NREP: variants seen among roughly 807,000 people sequenced by gnomAD.
The protein encoded by NREP is neuronal regeneration-related protein.
NREP carries 5 observed loss-of-function variants against 8.6 expected under a neutral mutation model. The ratio of observed to expected loss-of-function variants is 0.58; its 90% CI spans 0.30 to 1.22. The LOEUF is 1.22. Among genes scored for constraint, NREP ranks in the 50% most tolerant of loss-of-function variants. NREP has a pLI of 0.07. For synonymous variants in NREP, 27 were observed against 28.0 expected (o/e 0.96, Z 0.11); for missense variants, 86 against 82.5 (o/e 1.04, Z -0.17).
intron 2 of NREP, among the ~76,000 whole-genome samples, chr5:111,855,290 G>A (rs185642932): frequency 0.01 from 1,570 of 152,264 alleles, 13 homozygotes; most frequent in Middle Eastern, 0.02. Context: ...CCCTGTGCCT[G>A]TGTTTCCACA....
chr5:111,739,247 T>C (rs1310767534), intron 2 of NREP: 1 of 151,964 alleles, frequency 6.6e-6, no homozygotes, highest in Non-Finnish European at 1.5e-5. Context: ...ACAAAGGAAA[T>C]GGGGGTGGCA....
intron 2 of NREP, among the ~76,000 whole-genome samples, chr5:111,867,479 C>T (rs1032632710): frequency 1.3e-5 from 2 of 152,104 alleles, no homozygotes; most frequent in African/African-American, 4.8e-5. Flanking sequence ...AGGACCCCAC[C>T]CTTATGGTCT....
chr5:111,930,849 G>A (rs1439839753), intron 2 of NREP, among the ~76,000 whole-genome samples: 1 of 152,152 alleles, frequency 6.6e-6, no homozygotes, highest in African/African-American at 2.4e-5. Flanking sequence ...TAAGACAGAA[G>A]CCAGGTTAAG....
At chr5:111,964,492 G>A (rs1260834050) in intron 2 of NREP, among the ~76,000 whole-genome samples, 1 of 152,088 alleles carries the variant, frequency 6.6e-6, no homozygotes, top group East Asian at 1.9e-4. Context: ...TCAGCCACCT[G>A]AGAAGCTAGG....
At chr5:111,891,199 C>G (rs888127557) in intron 2 of NREP, among the ~76,000 whole-genome samples, 9 of 152,216 alleles carry the variant, frequency 5.9e-5, no homozygotes, top group Admixed American at 2.0e-4. Flanking sequence ...CTATCACTCT[C>G]AAGTTCAAAT....
chr5:111,853,525 T>G (rs1473313503), intron 2 of NREP, among the ~76,000 whole-genome samples: 5 of 152,188 alleles, frequency 3.3e-5, no homozygotes, highest in Admixed American at 1.3e-4. Context: ...TTTCATTTAA[T>G]TTTTTCATAA....
intron 2 of NREP, among the ~76,000 whole-genome samples, chr5:111,857,057 GC>G (rs1410792250): frequency 6.6e-6 from 1 of 152,046 alleles, no homozygotes; most frequent in African/African-American, 2.4e-5. Flanking sequence ...GCTAAATATT[GC>G]TGCATAATGA....
intron 2 of NREP, among the ~76,000 whole-genome samples, chr5:111,872,615 G>C (rs1398975528): frequency 2.0e-5 from 3 of 152,054 alleles, no homozygotes; most frequent in Non-Finnish European, 2.9e-5. Flanking sequence ...TCTGGAATAT[G>C]GTCCTATCTG....
intron 2 of NREP, among the ~76,000 whole-genome samples, chr5:111,773,133 CT>C (rs200546778): frequency 8.6e-5 from 13 of 151,024 alleles, no homozygotes; most frequent in Middle Eastern, 3.4e-3. Flanking sequence ...TTCTCTGAGC[CT>C]TTTTTTTTAA....
intron 2 of NREP, among the ~76,000 whole-genome samples, chr5:111,822,139 T>C (rs376345071): frequency 7.2e-5 from 11 of 152,176 alleles, no homozygotes; most frequent in African/African-American, 2.2e-4. Context: ...AACCTTCCCA[T>C]TGAAAACAAC....
intron 2 of NREP, among the ~76,000 whole-genome samples, chr5:111,797,411 T>C (rs1751898778): frequency 6.6e-6 from 1 of 152,214 alleles, no homozygotes; most frequent in Non-Finnish European, 1.5e-5. Context: ...TATGGCTATA[T>C]ATATTAGAAT....
chr5:111,889,163 C>A (rs542120169), intron 2 of NREP, among the ~76,000 whole-genome samples: 4 of 152,302 alleles, frequency 2.6e-5, no homozygotes, highest in Middle Eastern at 3.4e-3. Context: ...GCAGGCTGTA[C>A]AGAAAGCATA....
At chr5:111,760,083 T>C (rs942373043), upstream of NREP, among the ~76,000 whole-genome samples, 1 of 152,228 alleles carries the variant, frequency 6.6e-6, no homozygotes. Flanking sequence ...TCAGCTAAGA[T>C]GTCTCAACCC....
chr5:111,875,830 C>T (rs1183305747), intron 2 of NREP, among the ~76,000 whole-genome samples: 1 of 151,912 alleles, frequency 6.6e-6, no homozygotes, highest in East Asian at 1.9e-4. Flanking sequence ...TGTGGATACA[C>T]AAAGAGTGAG....
intron 2 of NREP, among the ~76,000 whole-genome samples, chr5:111,921,432 G>T (rs545495557): frequency 2.6e-4 from 39 of 152,078 alleles, no homozygotes; most frequent in Admixed American, 2.3e-3. Context: ...CTAATTTTTG[G>T]GTGGCATCCC....
At chr5:111,908,585 G>A (rs1017019137) in intron 2 of NREP, among the ~76,000 whole-genome samples, 3 of 151,988 alleles carry the variant, frequency 2.0e-5, no homozygotes, top group Non-Finnish European at 4.4e-5. Flanking sequence ...CTACATCCAT[G>A]TTGCTGCAAA....
intron 2 of NREP, among the ~76,000 whole-genome samples, chr5:111,772,302 G>C (rs563912050): frequency 5.3e-5 from 8 of 152,214 alleles, no homozygotes; most frequent in Admixed American, 3.9e-4. Context: ...AGAGGTGAGA[G>C]AATAGAAGGT....
At position 111,734,875 on chromosome 5, in the gene NREP, A is replaced by G. The variant is rs576461267; in HGVS notation, c.81+555T>C. 1.4e-4 allele frequency: 63 copies of G among 441,076 alleles called. No homozygotes were observed. The Middle Eastern group carries it at 2.6e-3, about 18-fold the overall frequency. The allele number at this position is 441,076 out of a possible 1,614,324, so 27.3% of individuals were successfully genotyped here. On this transcript the variant is annotated intron_variant, in intron 3 of 3. Coordinates refer to ENST00000257435, the MANE Select transcript of NREP (RefSeq NM_004772.4). ...AGTAGTTGTTATTGTTTGTTTCAGA[A>G]ATTATGCTAAAATCTAAAATATAAA...
Position 111,946,024 on chromosome 5 carries a change from C to T in NREP, c.135+29250G>A, listed in dbSNP as rs573241704. Among the ~76,000 whole-genome samples, 5 of 151,680 alleles carry T rather than the reference C, an allele frequency of 3.3e-5. No individual in the cohort carries two copies. In the East Asian group the frequency reaches 9.7e-4, roughly 29 times the overall value. The stretch of plus-strand genomic sequence containing the variant: ...TAAGGAGCATGTGAGCCCTACCTGA[C>T]ACAAATGGACTAAGAGTGGAAAAGA... On this transcript the variant is annotated intron_variant, in intron 2 of 3. Coordinates refer to the NREP transcript ENST00000395634.
Sources: gnomAD v4.1 joint callset for allele counts (sites outside exome capture counted in the v4.1 genomes callset) on GRCh38, gnomAD v4.1.1 for gene constraint, MANE v1.5 for transcripts, NCBI Gene and HGNC (gene_info 2026-07-23, HGNC 2026-07-21) for gene names.